Variants in FSTL5 observed in about 807,000 individuals in gnomAD.
The protein encoded by FSTL5 is follistatin like 5, also known as follistatin-related protein 5.
A neutral mutation model predicts 89.1 loss-of-function variants in FSTL5; 62 were observed. That is an observed-to-expected ratio of 0.70 (90% CI 0.57 to 0.86). The LOEUF is 0.86. FSTL5 is among the 40% of genes least tolerant of loss of function. The pLI is 0.00. For missense variants in FSTL5, 1,057 were observed against 1,001.6 expected (o/e 1.06, Z -0.75); for synonymous variants, 383 against 346.2 (o/e 1.11, Z -1.18).
chr4:161,423,469 T>G (rs1358188681), intron 15 of FSTL5, among the ~76,000 whole-genome samples: 1 of 152,222 alleles, frequency 6.6e-6, no homozygotes, highest in African/African-American at 2.4e-5. Context: ...TTTTTCGTTA[T>G]GTTTTTTGAA....
intron 3 of FSTL5, among the ~76,000 whole-genome samples, chr4:162,004,472 C>T (rs1347662505): frequency 6.6e-6 from 1 of 152,140 alleles, no homozygotes; most frequent in Non-Finnish European, 1.5e-5. Flanking sequence ...ATGATCCAGT[C>T]ACATGCGTCT....
intron 13 of FSTL5, among the ~76,000 whole-genome samples, chr4:161,470,853 GT>G (rs1560910681): frequency 6.6e-6 from 1 of 152,012 alleles, no homozygotes; most frequent in Non-Finnish European, 1.5e-5. Context: ...GCTATGACAA[GT>G]TGAACTGTTT....
At chr4:161,733,225 A>G (rs552744302) in intron 6 of FSTL5, among the ~76,000 whole-genome samples, 5 of 151,834 alleles carry the variant, frequency 3.3e-5, no homozygotes, top group African/African-American at 1.2e-4. Flanking sequence ...AATACAGTTT[A>G]TATTTTTGTT....
chr4:161,787,047 T>C (rs1741929864), intron 4 of FSTL5, among the ~76,000 whole-genome samples: 2 of 152,206 alleles, frequency 1.3e-5, no homozygotes, highest in East Asian at 3.9e-4. Context: ...AGTAGAAAAG[T>C]AGAGGTGAAT....
chr4:161,583,243 G>C (rs576986437), intron 8 of FSTL5, among the ~76,000 whole-genome samples: 2 of 152,038 alleles, frequency 1.3e-5, no homozygotes, highest in Non-Finnish European at 2.9e-5. Flanking sequence ...TGTGTCAGGT[G>C]TCATTTTCCC....
chr4:161,551,447 T>C (rs1340056927), intron 8 of FSTL5, among the ~76,000 whole-genome samples: 1 of 151,768 alleles, frequency 6.6e-6, no homozygotes. Flanking sequence ...TTTTTTCTTG[T>C]AAATTTGTTT....
In FSTL5 at chr4:161,864,499, T is replaced by G. The variant is rs192308528; in HGVS notation, c.409+55905A>C. On this transcript the variant is annotated intron_variant, in intron 4 of 15. Transcript: ENST00000306100. ...AAAATAGATTAAATTAAAGGCAGTTTTAATTAATGTGAGGAGCCAAGCTAA... is the reference window on the plus strand; with the variant it reads ...AAAATAGATTAAATTAAAGGCAGTTGTAATTAATGTGAGGAGCCAAGCTAA... Among the ~76,000 whole-genome samples the G allele has an allele frequency of 1.4e-4, 22 of 152,274 alleles. No homozygotes were observed. The East Asian group carries it at 3.5e-3, about 24-fold the overall frequency.
At chr4:161,688,963 A>C (rs753775689) in intron 6 of FSTL5, among the ~76,000 whole-genome samples, 8 of 152,166 alleles carry the variant, frequency 5.3e-5, no homozygotes, top group Non-Finnish European at 1.0e-4. Context: ...TATTATGGTT[A>C]GTTAATTTCA....
At chr4:161,650,305 C>A (rs1015378684) in intron 7 of FSTL5, among the ~76,000 whole-genome samples, 6 of 152,104 alleles carry the variant, frequency 3.9e-5, no homozygotes, top group Admixed American at 3.9e-4. Context: ...AGTAATCAAA[C>A]TATTGAGTTT....
At chr4:161,967,486 T>G (rs985977809) in intron 3 of FSTL5, among the ~76,000 whole-genome samples, 2 of 151,804 alleles carry the variant, frequency 1.3e-5, no homozygotes, top group African/African-American at 4.8e-5. Context: ...AACAAAACTT[T>G]ATGAAGAGGA....
chr4:161,872,023 G>T (rs145623882), intron 4 of FSTL5, among the ~76,000 whole-genome samples: 1 of 149,066 alleles, frequency 6.7e-6, no homozygotes, highest in East Asian at 2.0e-4. Context: ...ACAGGGTCTT[G>T]CTCTGTCACC....
chr4:161,870,418 T>C (rs944075827), intron 4 of FSTL5, among the ~76,000 whole-genome samples: 1 of 152,020 alleles, frequency 6.6e-6, no homozygotes, highest in Admixed American at 6.5e-5. Context: ...AAAACAAGTA[T>C]CATGGTATAG....
intron 1 of FSTL5, among the ~76,000 whole-genome samples, chr4:162,111,613 C>G (rs984602978): frequency 6.6e-6 from 1 of 151,220 alleles, no homozygotes; most frequent in Non-Finnish European, 1.5e-5. Flanking sequence ...TTCATTCAGA[C>G]AGCTATATAA....
chr4:161,564,061 A>T (rs57609555), intron 8 of FSTL5, among the ~76,000 whole-genome samples: 71,760 of 151,630 alleles, frequency 0.47, 17,234 homozygotes, highest in Middle Eastern at 0.6. Context: ...TTGTCTAGAC[A>T]TTTTATAAAC....
At chr4:161,451,784 T>C (rs1005535663) in intron 15 of FSTL5, among the ~76,000 whole-genome samples, 1 of 152,226 alleles carries the variant, frequency 6.6e-6, no homozygotes, top group Non-Finnish European at 1.5e-5. Context: ...GGAAACACAG[T>C]TCTTCCCTCA....
chr4:161,564,069 A>AAC (rs1732711365), intron 8 of FSTL5, among the ~76,000 whole-genome samples: 1 of 151,882 alleles, frequency 6.6e-6, no homozygotes, highest in Non-Finnish European at 1.5e-5. Context: ...ACATTTTATA[A>AAC]ACATTTGATA....
chr4:161,771,105 G>A (rs1396600648), intron 5 of FSTL5, among the ~76,000 whole-genome samples: 1 of 151,932 alleles, frequency 6.6e-6, no homozygotes, highest in African/African-American at 2.4e-5. Flanking sequence ...CTAGCATAAA[G>A]TTGTGCACAT....
Position 161,386,141 on chromosome 4 carries a change from C to G in FSTL5, c.2150G>C (p.Arg717Thr). 1 of 1,613,968 alleles carries G rather than the reference C, an allele frequency of 6.2e-7. No individual in the cohort carries two copies. The highest frequency in any genetic ancestry group is 8.5e-7 in the Non-Finnish European group (1 of 1,179,954). Residue 717 changes from arginine (R) to threonine (T), a missense_variant, in exon 16 of 16, where the codon AGG (arginine) becomes ACG (threonine). By Grantham distance (71) the Arg-to-Thr change is moderately conservative. Coordinates refer to ENST00000306100, the MANE Select transcript of FSTL5 (RefSeq NM_020116.5). ...TCCTCTGATGGTAATGTACTGAACC[C>G]TTACAAGACCTTTCACATCATTAAT... ...VSINDVKGLV[R>T]VQYITIRGEI...
At chr4:161,974,539 G>A (rs1477517396) in intron 3 of FSTL5, among the ~76,000 whole-genome samples, 2 of 128,430 alleles carry the variant, frequency 1.6e-5, no homozygotes, top group Admixed American at 8.3e-5. Context: ...TGGGAAAACT[G>A]GCTAGCCATA....
Sources: gnomAD v4.1 joint callset for allele counts (sites outside exome capture counted in the v4.1 genomes callset) on GRCh38, gnomAD v4.1.1 for gene constraint, MANE v1.5 for transcripts, NCBI Gene and HGNC (gene_info 2026-07-23, HGNC 2026-07-21) for gene names.